The following BMP6 variants were observed in gnomAD, a reference collection of about 807,000 sequenced individuals.
The protein encoded by BMP6 is bone morphogenetic protein 6, also known as VG-1-R.
In BMP6, 17 loss-of-function variants were observed where a neutral mutation model predicts 54.1. The ratio of observed to expected loss-of-function variants is 0.31; its 90% confidence interval spans 0.22 to 0.47. The LOEUF (loss-of-function observed/expected upper bound fraction) is 0.47, where lower values mean the gene tolerates loss of function less well. Ranked by LOEUF, BMP6 falls within the 20% of genes least tolerant of loss-of-function variation. The probability of loss-of-function intolerance (pLI) is 1.00; values close to 1 mark genes in which losing one functional copy is unlikely to be tolerated. For missense variants in BMP6, 720 were observed against 690.4 expected, an observed-to-expected ratio of 1.04 and a Z score of -0.48; for synonymous variants, 328 against 291.2, an observed-to-expected ratio of 1.13 and a Z score of -1.28.
At chr6:7,824,967 C>G (rs1758669854) in intron 1 of BMP6, among the ~76,000 whole-genome samples, 1 of 152,194 alleles carries the variant, frequency 6.6e-6, no homozygotes, top group African/African-American at 2.4e-5. Context: ...AAGAATCTTC[C>G]TGCTGTATCC....
intron 1 of BMP6, among the ~76,000 whole-genome samples, chr6:7,767,396 CTCTTTGAGTT>C (rs2113150128): frequency 6.6e-6 from 1 of 152,230 alleles, no homozygotes; most frequent in Admixed American, 6.5e-5. Context: ...CTGGGTTGGT[CTCTTTGAGTT>C]TCTTTTGGCA....
At chr6:7,872,695 A>G (rs1050956104) in intron 4 of BMP6, among the ~76,000 whole-genome samples, 4 of 152,248 alleles carry the variant, frequency 2.6e-5, no homozygotes, top group African/African-American at 9.6e-5. Context: ...TCTTGGTTCC[A>G]TCCAGCAGAA....
At chr6:7,842,097 T>TC (rs1239987229) in intron 1 of BMP6, among the ~76,000 whole-genome samples, 5 of 152,120 alleles carry the variant, frequency 3.3e-5, no homozygotes, top group African/African-American at 1.2e-4. Context: ...CCTCTTTTCC[T>TC]CCCATCCCCC....
chr6:7,799,909 G>A (rs1014090465), intron 1 of BMP6, among the ~76,000 whole-genome samples: 1 of 152,086 alleles, frequency 6.6e-6, no homozygotes, highest in Non-Finnish European at 1.5e-5. Flanking sequence ...CTTATTGATA[G>A]GTGCAAATGT....
At chr6:7,824,421 A>G (rs1758661092) in intron 1 of BMP6, among the ~76,000 whole-genome samples, 1 of 152,084 alleles carries the variant, frequency 6.6e-6, no homozygotes, top group Non-Finnish European at 1.5e-5. Context: ...CCCACCTTTG[A>G]CCACAGACCT....
At chr6:7,863,377 T>C (rs1160659069) in intron 4 of BMP6, among the ~76,000 whole-genome samples, 4 of 152,186 alleles carry the variant, frequency 2.6e-5, no homozygotes, top group South Asian at 2.1e-4. Flanking sequence ...TGTTTTTCTA[T>C]TTTTCTTTGT....
chr6:7,727,422 A>C lies in BMP6; in HGVS notation c.467A>C (p.Glu156Ala). 2 of 1,605,582 alleles carry C rather than the reference A, an allele frequency of 1.2e-6. No individual in the cohort carries two copies. The highest frequency in any genetic ancestry group is 1.7e-6 in the Non-Finnish European group (2 of 1,177,356). Reference sequence around the variant, plus strand: ...GACGAGGACGGGGCGTCGGAGGGGGAGAGGCAGCAGTCCTGGCCCCACGAA... The same window carrying C: ...GACGAGGACGGGGCGTCGGAGGGGGCGAGGCAGCAGTCCTGGCCCCACGAA... Reference protein sequence around the residue: ...DNDEDGASEGERQQSWPHEAA... With the variant: ...DNDEDGASEGARQQSWPHEAA... The change falls in exon 1 of 7, where the codon GAG (glutamate) becomes GCG (alanine). Residue 156 changes from glutamate to alanine, a missense_variant. Transcript: ENST00000283147.
At chr6:7,794,254 G>T (rs1758158885) in intron 1 of BMP6, among the ~76,000 whole-genome samples, 1 of 152,100 alleles carries the variant, frequency 6.6e-6, no homozygotes, top group Non-Finnish European at 1.5e-5. Context: ...TGGGCCATTT[G>T]GTTCTCTTGT....
intron 2 of BMP6, among the ~76,000 whole-genome samples, chr6:7,846,423 A>G (rs1244762277): frequency 6.6e-6 from 1 of 152,202 alleles, no homozygotes; most frequent in Non-Finnish European, 1.5e-5. Context: ...TGAACTCATA[A>G]GCAACATTAA....
At chr6:7,843,381 A>G (rs1759008382) in intron 1 of BMP6, among the ~76,000 whole-genome samples, 1 of 151,588 alleles carries the variant, frequency 6.6e-6, no homozygotes, top group African/African-American at 2.4e-5. Context: ...AGCTTCTGCA[A>G]ATGCCATTGA....
At chr6:7,739,865 C>T (rs539256959) in intron 1 of BMP6, among the ~76,000 whole-genome samples, 1 of 152,288 alleles carries the variant, frequency 6.6e-6, no homozygotes, top group African/African-American at 2.4e-5. Context: ...TTTTTCCCTA[C>T]TGGGCTATTT....
At chr6:7,740,863 C>T (rs542824916) in intron 1 of BMP6, among the ~76,000 whole-genome samples, 63 of 152,280 alleles carry the variant, frequency 4.1e-4, no homozygotes, top group African/African-American at 1.4e-3. Context: ...TCTTTATAAT[C>T]GTTGGCCTTG....
intron 1 of BMP6, among the ~76,000 whole-genome samples, chr6:7,807,463 T>C (rs771608335): frequency 1.3e-5 from 2 of 152,044 alleles, no homozygotes; most frequent in Non-Finnish European, 2.9e-5. Flanking sequence ...GCATTTTTAG[T>C]AGAGACGGGG....
chr6:7,793,482 A>G (rs1194191696), intron 1 of BMP6, among the ~76,000 whole-genome samples: 3 of 152,120 alleles, frequency 2.0e-5, no homozygotes, highest in African/African-American at 4.8e-5. Flanking sequence ...CCCATAGACT[A>G]TACAACACCG....
intron 1 of BMP6, among the ~76,000 whole-genome samples, chr6:7,728,151 G>A (rs1029252026): frequency 2.0e-5 from 3 of 152,024 alleles, no homozygotes; most frequent in Non-Finnish European, 2.9e-5. Context: ...ATGTTTAGAG[G>A]TATCCACGGC....
chr6:7,865,413 C>T (rs908853509), intron 4 of BMP6, among the ~76,000 whole-genome samples: 11 of 152,152 alleles, frequency 7.2e-5, no homozygotes, highest in Non-Finnish European at 1.6e-4. Context: ...AAGGATGCTC[C>T]CTCCTTCTCA....
intron 4 of BMP6, among the ~76,000 whole-genome samples, chr6:7,877,152 T>G (rs1232876240): frequency 6.6e-6 from 1 of 152,150 alleles, no homozygotes; most frequent in Non-Finnish European, 1.5e-5. Flanking sequence ...TGTGAAAATT[T>G]CCCTCCAGGG....
chr6:7,784,550 T>A (rs942510377), intron 1 of BMP6, among the ~76,000 whole-genome samples: 3 of 152,212 alleles, frequency 2.0e-5, no homozygotes, highest in Non-Finnish European at 4.4e-5. Context: ...ATAAATTTTT[T>A]AAAAATTCAT....
chr6:7,818,011 A>G (rs1038149070), intron 1 of BMP6, among the ~76,000 whole-genome samples: 2 of 152,216 alleles, frequency 1.3e-5, no homozygotes, highest in Non-Finnish European at 2.9e-5. Context: ...TTTTTTAAAA[A>G]CACATTTATA....
Sources: allele counts gnomAD v4.1 joint callset (sites outside exome capture counted in the v4.1 genomes callset), GRCh38; gene constraint gnomAD v4.1.1; transcripts MANE v1.5; gene names NCBI Gene and HGNC (gene_info 2026-07-23, HGNC 2026-07-21).